RTL4: variants seen among roughly 807,000 people sequenced by gnomAD.
The protein encoded by RTL4 is retrotransposon Gag like 4, also known as retrotransposon Gag-like protein 4.
RTL4 carries 4 observed loss-of-function variants against 5.3 expected under a neutral mutation model. The ratio of observed to expected loss-of-function variants is 0.75; its 90% CI spans 0.37 to 1.72. The LOEUF (loss-of-function observed/expected upper bound fraction) is 1.72, where lower values mean the gene tolerates loss of function less well. Ranked by LOEUF, RTL4 falls within the 40% of genes most tolerant of loss-of-function variation. RTL4 has a pLI of 0.04. For missense variants in RTL4, 260 were observed against 227.1 expected (o/e 1.14, Z -0.93); for synonymous variants, 98 against 87.3 (o/e 1.12, Z -0.68).
At chrX:112,250,031 A>G in the RTL4 span, among the ~76,000 whole-genome samples, 1 of 110,318 alleles carries the variant, frequency 9.1e-6, no homozygotes, top group South Asian at 3.8e-4. Flanking sequence ...AATCCCAGCA[A>G]TTTGGGAGGC....
At chrX:112,151,037 G>A in the RTL4 span, among the ~76,000 whole-genome samples, 1 of 111,976 alleles carries the variant, frequency 8.9e-6, no homozygotes, top group Admixed American at 9.5e-5. Context: ...AAGAGATCTA[G>A]CCACGCTGTC....
the RTL4 span, among the ~76,000 whole-genome samples, chrX:112,124,502 T>A: frequency 9.0e-6 from 1 of 111,707 alleles, no homozygotes; most frequent in African/African-American, 3.3e-5. Context: ...TAAAATGGAA[T>A]GAGATCATGT....
the RTL4 span, among the ~76,000 whole-genome samples, chrX:112,191,259 TA>T: frequency 9.0e-6 from 1 of 111,714 alleles, no homozygotes; most frequent in African/African-American, 3.3e-5. Context: ...TTCCCTCCCA[TA>T]AAAAAAGGTC....
the RTL4 span, among the ~76,000 whole-genome samples, chrX:112,231,984 T>C: frequency 8.9e-6 from 1 of 112,003 alleles, no homozygotes; most frequent in Non-Finnish European, 1.9e-5. Flanking sequence ...GATCATTAAA[T>C]GGGGATAAAA....
At chrX:112,161,426 G>T in the RTL4 span, among the ~76,000 whole-genome samples, 2 of 111,661 alleles carry the variant, frequency 1.8e-5, no homozygotes, top group Non-Finnish European at 3.8e-5. Flanking sequence ...TACCATAAAG[G>T]ATTCATTCCT....
the RTL4 span, among the ~76,000 whole-genome samples, chrX:112,367,755 T>C: frequency 1.8e-5 from 2 of 111,476 alleles, no homozygotes; most frequent in Non-Finnish European, 1.9e-5. Flanking sequence ...AACGAGCAAT[T>C]AAAACACAGA....
chrX:112,450,309 A>AT (rs1051043031), upstream of RTL4, among the ~76,000 whole-genome samples: 5 of 112,194 alleles, frequency 4.5e-5, no homozygotes, highest in African/African-American at 1.6e-4. Flanking sequence ...TACCAAACCC[A>AT]TTTTTTGTTT....
At chrX:112,217,329 G>T in the RTL4 span, among the ~76,000 whole-genome samples, 1 of 111,807 alleles carries the variant, frequency 8.9e-6, no homozygotes, top group Non-Finnish European at 1.9e-5. Context: ...GTTATCAGAG[G>T]AGGCATTATA....
At chrX:112,261,746 G>T in the RTL4 span, among the ~76,000 whole-genome samples, 6 of 111,890 alleles carry the variant, frequency 5.4e-5, no homozygotes, top group South Asian at 2.2e-3. Context: ...TCAATCCTAA[G>T]CCAGAAGAAC....
chrX:112,201,518 G>A, the RTL4 span, among the ~76,000 whole-genome samples: 1 of 110,390 alleles, frequency 9.1e-6, no homozygotes, highest in Non-Finnish European at 1.9e-5. Flanking sequence ...CATGGTTATA[G>A]TGCACTTGAA....
At chrX:112,285,085 A>G in the RTL4 span, among the ~76,000 whole-genome samples, 2 of 112,061 alleles carry the variant, frequency 1.8e-5, no homozygotes, top group Non-Finnish European at 1.9e-5. Context: ...AGGTGATCAT[A>G]ATATATTTGC....
chrX:112,370,253 C>CT, the RTL4 span, among the ~76,000 whole-genome samples: 3 of 111,117 alleles, frequency 2.7e-5, no homozygotes, highest in African/African-American at 9.8e-5. Context: ...CTCTCTGCCT[C>CT]TTTTTTGTGG....
the RTL4 span, among the ~76,000 whole-genome samples, chrX:112,413,481 G>T: frequency 2.7e-5 from 3 of 111,581 alleles, no homozygotes; most frequent in Non-Finnish European, 5.7e-5. Context: ...ACTGGATAAA[G>T]AAAATATGGT....
At chrX:112,205,517 G>T in the RTL4 span, among the ~76,000 whole-genome samples, 4 of 111,121 alleles carry the variant, frequency 3.6e-5, no homozygotes, top group African/African-American at 1.3e-4. Flanking sequence ...GGTAAATGCC[G>T]CTTGATTGAT....
the RTL4 span, among the ~76,000 whole-genome samples, chrX:112,094,645 G>A: frequency 9.0e-6 from 1 of 111,363 alleles, no homozygotes. Flanking sequence ...GCCATCAAAG[G>A]AGACTGAAAA....
the RTL4 span, among the ~76,000 whole-genome samples, chrX:112,181,247 G>C: frequency 9.0e-6 from 1 of 111,631 alleles, no homozygotes; most frequent in Admixed American, 9.5e-5. Flanking sequence ...GCACAGAACT[G>C]GGTGGCCATT....
chrX:112,144,640 GATTA>G, the RTL4 span, among the ~76,000 whole-genome samples: 766 of 111,500 alleles, frequency 6.9e-3, 3 homozygotes, highest in Middle Eastern at 0.019. Context: ...ACTTGCTCCG[GATTA>G]ATTAAATCAG....
At chrX:112,161,607 A>T in the RTL4 span, among the ~76,000 whole-genome samples, 1 of 111,614 alleles carries the variant, frequency 9.0e-6, no homozygotes, top group Non-Finnish European at 1.9e-5. Flanking sequence ...GACAGAGAAC[A>T]TAGAGCTGTC....
chrX:112,310,221 G>C, the RTL4 span, among the ~76,000 whole-genome samples: 2 of 96,848 alleles, frequency 2.1e-5, no homozygotes, highest in East Asian at 3.3e-4. Context: ...CATGAAAGTA[G>C]AGCTCTCATG....
Sources: allele counts gnomAD v4.1 joint callset (sites outside exome capture counted in the v4.1 genomes callset), GRCh38; gene constraint gnomAD v4.1.1; transcripts MANE v1.5; gene names NCBI Gene and HGNC (gene_info 2026-07-23, HGNC 2026-07-21).